The following MARCHF10 variants were observed in gnomAD, a reference collection of about 807,000 sequenced individuals.
The protein encoded by MARCHF10 is membrane associated ring-CH-type finger 10, also known as probable E3 ubiquitin-protein ligase MARCHF10.
MARCHF10 carries 64 observed loss-of-function variants against 76.2 expected under a neutral mutation model. That is an observed-to-expected ratio of 0.84 (90% CI 0.69 to 1.03). The LOEUF (loss-of-function observed/expected upper bound fraction) is 1.03. Among genes scored for constraint, MARCHF10 ranks in the 50% least tolerant of loss-of-function variants. MARCHF10 has a pLI of 0.00. For missense variants in MARCHF10, 875 were observed against 958.0 expected (o/e 0.91, Z 1.14); for synonymous variants, 340 against 357.5 (o/e 0.95, Z 0.55).
intron 10 of MARCHF10, chr17:62,705,241 T>C: frequency 7.4e-7 from 1 of 1,343,372 alleles, no homozygotes; most frequent in Non-Finnish European, 9.5e-7. Context: ...CGCTGGAGAA[T>C]CCCAGCAAGG....
chr17:62,745,648 T>C (rs1314588241), intron 4 of MARCHF10, among the ~76,000 whole-genome samples: 1 of 152,228 alleles, frequency 6.6e-6, no homozygotes, highest in Admixed American at 6.5e-5. Context: ...TCCTGTCCCC[T>C]ACCCTCCACT....
rs1369368294 is a variant in MARCHF10, at chr17:62,737,341, A to G, written c.536-9T>C. On this transcript the variant is annotated splice_polypyrimidine_tract_variant and intron_variant, in intron 5 of 10. Coordinates refer to ENST00000311269, the MANE Select transcript of MARCHF10 (RefSeq NM_152598.4). ...TTGTTGAACTACTTGATCTGCATTG[A>G]GAAAAGACACATTTATCGTTCCAGT... 2 of 1,599,814 alleles carry G rather than the reference A, an allele frequency of 1.3e-6. No individual in the cohort carries two copies. Among genetic ancestry groups the G allele is most frequent in the Admixed American group, 1.8e-5 (1 of 55,002 alleles).
chr17:62,760,150 A>C, intron 3 of MARCHF10, 144 bp from the exon 4 acceptor site: 1 of 645,942 alleles, frequency 1.5e-6, no homozygotes, highest in Non-Finnish European at 2.7e-6. Context: ...CCCGTTCACC[A>C]GAGAGATTCA....
At chr17:62,732,351 T>C (rs1423773287) in intron 6 of MARCHF10, among the ~76,000 whole-genome samples, 1 of 152,146 alleles carries the variant, frequency 6.6e-6, no homozygotes, top group Non-Finnish European at 1.5e-5. Flanking sequence ...CTGCAGGCAT[T>C]AAGACGGAAT....
At chr17:62,714,344 G>A in intron 8 of MARCHF10, 1 of 965,664 alleles carries the variant, frequency 1.0e-6, no homozygotes, top group Non-Finnish European at 1.2e-6. Flanking sequence ...AATTTGTAAT[G>A]GAAGGGAAGT....
chr17:62,763,114 C>G (rs1599267332), intron 3 of MARCHF10, among the ~76,000 whole-genome samples: 1 of 152,208 alleles, frequency 6.6e-6, no homozygotes, highest in East Asian at 1.9e-4. Flanking sequence ...ACGCATAGCA[C>G]TTAGAACAGC....
intron 4 of MARCHF10, among the ~76,000 whole-genome samples, chr17:62,755,504 G>A (rs2092014964): frequency 1.3e-5 from 2 of 152,160 alleles, no homozygotes; most frequent in Admixed American, 6.5e-5. Context: ...TGCACTCGCT[G>A]GGCCTGCTAG....
intron 3 of MARCHF10, among the ~76,000 whole-genome samples, chr17:62,768,242 G>A (rs1244996184): frequency 6.6e-6 from 1 of 152,188 alleles, no homozygotes; most frequent in African/African-American, 2.4e-5. Flanking sequence ...ATATGGGCCA[G>A]GTGCAGTGGC....
At chr17:62,776,553 T>C (rs1331606799) in intron 3 of MARCHF10, among the ~76,000 whole-genome samples, 1 of 152,266 alleles carries the variant, frequency 6.6e-6, no homozygotes, top group African/African-American at 2.4e-5. Context: ...CTGCTGGCTT[T>C]GCCCAAGATA....
chr17:62,741,605 T>C (rs753123267), intron 5 of MARCHF10, among the ~76,000 whole-genome samples: 9 of 152,246 alleles, frequency 5.9e-5, no homozygotes, highest in Non-Finnish European at 1.0e-4. Context: ...GATTTACATT[T>C]ATTACCTTCT....
chr17:62,786,422 A>G (rs1360291942), intron 3 of MARCHF10, among the ~76,000 whole-genome samples: 1 of 152,134 alleles, frequency 6.6e-6, no homozygotes, highest in Non-Finnish European at 1.5e-5. Flanking sequence ...TAGGATAAAT[A>G]CCTAATGTAG....
chr17:62,808,120 AG>A lies in MARCHF10; in HGVS notation c.-62del, dbSNP rs555051200. ...TCCCCTGCCGGGGCTACAGGGGTCG[AG>A]GGGCTGGGCGGGCGGGCCGGTCCAG... On this transcript the variant is annotated 5_prime_UTR_variant, in exon 1 of 11. An upstream open reading frame in the 5' UTR loses its in-frame stop. Transcript: ENST00000311269. The A allele has an allele frequency of 3.1e-4, 1 of 3,182 alleles. No homozygotes were observed. The highest frequency in any genetic ancestry group is 0.013 in the South Asian group (1 of 80). The allele number at this position is 3,182 out of a possible 1,614,324, so 0.2% of individuals were successfully genotyped here.
chr17:62,757,558 A>G (rs1037581247), intron 4 of MARCHF10, among the ~76,000 whole-genome samples: 1 of 152,214 alleles, frequency 6.6e-6, no homozygotes, highest in Non-Finnish European at 1.5e-5. Context: ...CTACACATGT[A>G]AAATGGATGG....
chr17:62,733,733 C>T (rs2091136408), intron 6 of MARCHF10, among the ~76,000 whole-genome samples: 1 of 152,182 alleles, frequency 6.6e-6, no homozygotes, highest in African/African-American at 2.4e-5. Flanking sequence ...TGAGAGAATA[C>T]TTTGTAGTGT....
chr17:62,705,675 T>C, intron 9 of MARCHF10, 94 bp from the exon 10 acceptor site: 1 of 1,469,438 alleles, frequency 6.8e-7, no homozygotes, highest in Middle Eastern at 1.7e-4. Context: ...GTTCTAGGAA[T>C]CCCTTACACC....
intron 1 of MARCHF10, among the ~76,000 whole-genome samples, chr17:62,805,914 AAAATAAT>A (rs1019265195): frequency 6.3e-4 from 81 of 128,132 alleles, no homozygotes; most frequent in African/African-American, 2.5e-3. Flanking sequence ...AAAATAAAAA[AAAATAAT>A]AATAATAATA....
intron 7 of MARCHF10, 111 bp from the exon 8 acceptor site, chr17:62,722,708 C>T: frequency 1.3e-6 from 1 of 764,432 alleles, no homozygotes. Context: ...GAATTCTGAG[C>T]TTCAGTGACC....
At chr17:62,730,865 C>T (rs2090996045) in intron 6 of MARCHF10, among the ~76,000 whole-genome samples, 1 of 151,988 alleles carries the variant, frequency 6.6e-6, no homozygotes, top group African/African-American at 2.4e-5. Context: ...CTGACTCCAG[C>T]CTGGGCAACA....
At chr17:62,776,295 C>G (rs574627825) in intron 3 of MARCHF10, among the ~76,000 whole-genome samples, 1 of 152,190 alleles carries the variant, frequency 6.6e-6, no homozygotes, top group African/African-American at 2.4e-5. Flanking sequence ...TCAGAGGTCA[C>G]CAATCCTCTG....
Sources: gnomAD v4.1 joint callset for allele counts (sites outside exome capture counted in the v4.1 genomes callset) on GRCh38, gnomAD v4.1.1 for gene constraint, MANE v1.5 for transcripts, NCBI Gene and HGNC (gene_info 2026-07-23, HGNC 2026-07-21) for gene names.